BFSP2: variants seen among roughly 807,000 people sequenced by gnomAD.
BFSP2 encodes beaded filament structural protein 2, also known as phakinin.
A neutral mutation model predicts 44.9 loss-of-function variants in BFSP2; 38 were observed. The observed-to-expected ratio is 0.85, with a 90% CI of 0.65 to 1.11. BFSP2 has a LOEUF of 1.11. Among genes scored for constraint, BFSP2 ranks in the 50% least tolerant of loss-of-function variants. The pLI is 0.00. For synonymous variants in BFSP2, 197 were observed against 209.9 expected, an observed-to-expected ratio of 0.94 and a Z score of 0.53; for missense variants, 525 against 533.0, an observed-to-expected ratio of 0.99 and a Z score of 0.15.
intron 1 of BFSP2, among the ~76,000 whole-genome samples, chr3:133,426,376 G>A (rs900903461): frequency 1.3e-5 from 2 of 152,348 alleles, no homozygotes; most frequent in Admixed American, 1.3e-4. Context: ...TGACTTTGCA[G>A]TCATCTCAGC....
intron 4 of BFSP2, among the ~76,000 whole-genome samples, chr3:133,453,361 A>G (rs2073983089): frequency 6.6e-6 from 1 of 152,258 alleles, no homozygotes; most frequent in African/African-American, 2.4e-5. Flanking sequence ...CGGACCACAG[A>G]GGCTGAAAAT....
intron 1 of BFSP2, among the ~76,000 whole-genome samples, chr3:133,427,303 C>T (rs943408481): frequency 3.3e-5 from 5 of 152,300 alleles, no homozygotes; most frequent in South Asian, 2.1e-4. Flanking sequence ...GCATGTTCTC[C>T]GTAGCTGTAT....
At chr3:133,451,779 T>C (rs1197952530) in intron 4 of BFSP2, among the ~76,000 whole-genome samples, 1 of 152,222 alleles carries the variant, frequency 6.6e-6, no homozygotes, top group Non-Finnish European at 1.5e-5. Flanking sequence ...ATTATATTCA[T>C]GGAAGAAAAA....
intron 4 of BFSP2, among the ~76,000 whole-genome samples, chr3:133,453,261 G>A (rs755352584): frequency 5.3e-5 from 8 of 152,176 alleles, no homozygotes; most frequent in African/African-American, 7.2e-5. Flanking sequence ...TCGGTTTCTT[G>A]GCGGCATAGC....
intron 4 of BFSP2, among the ~76,000 whole-genome samples, chr3:133,457,637 G>A (rs2074024362): frequency 6.6e-6 from 1 of 152,162 alleles, no homozygotes; most frequent in Non-Finnish European, 1.5e-5. Flanking sequence ...ACAGGGGGCA[G>A]CAAACTCTGG....
At chr3:133,467,067 A>G in intron 5 of BFSP2, 108 bp downstream of exon 5, 1 of 1,482,996 alleles carries the variant, frequency 6.7e-7, no homozygotes, top group South Asian at 1.2e-5. Flanking sequence ...ATCTCACAGC[A>G]TATGAGTTTT....
At position 133,446,052 on chromosome 3, in the gene BFSP2, C is replaced by T. The variant is rs150636774; in HGVS notation, c.490-1265C>T. Among the ~76,000 whole-genome samples, 74 of 152,264 alleles carry T rather than the reference C, an allele frequency of 4.9e-4. No individual in the cohort carries two copies. The East Asian group carries it at 0.013, about 27-fold the overall frequency. On this transcript the variant is annotated intron_variant, in intron 1 of 6. Transcript: ENST00000302334. ...GTGATTAAGAACTGGGAAAGGGAGA[C>T]ACCCTAGTCTGCCTGCTCCCCAGTG...
At chr3:133,440,807 C>T (rs906588484) in intron 1 of BFSP2, among the ~76,000 whole-genome samples, 13 of 152,142 alleles carry the variant, frequency 8.5e-5, no homozygotes, top group Admixed American at 7.9e-4. Flanking sequence ...TCTACAATGA[C>T]GTTCCTTCCC....
chr3:133,461,037 T>C (rs575205242), intron 4 of BFSP2, among the ~76,000 whole-genome samples: 100 of 152,320 alleles, frequency 6.6e-4, no homozygotes, highest in Non-Finnish European at 1.2e-3. Context: ...TTCTCTCTCC[T>C]CACTCTCCCT....
chr3:133,429,117 C>T (rs531022339), intron 1 of BFSP2, among the ~76,000 whole-genome samples: 16 of 152,060 alleles, frequency 1.1e-4, no homozygotes, highest in African/African-American at 3.1e-4. Flanking sequence ...CCCCACCCCC[C>T]CAGAGGTCAC....
intron 1 of BFSP2, among the ~76,000 whole-genome samples, chr3:133,431,972 C>T (rs1047867114): frequency 6.6e-6 from 1 of 152,056 alleles, no homozygotes; most frequent in Non-Finnish European, 1.5e-5. Flanking sequence ...CCAAAGCCTC[C>T]TTTGCGTCTT....
intron 4 of BFSP2, among the ~76,000 whole-genome samples, chr3:133,452,582 G>A (rs2073975770): frequency 6.6e-6 from 1 of 152,158 alleles, no homozygotes; most frequent in Non-Finnish European, 1.5e-5. Flanking sequence ...TGGTCCTAGA[G>A]ACCATCTGAT....
chr3:133,406,036 C>T (rs923215104), intron 1 of BFSP2, among the ~76,000 whole-genome samples: 19 of 152,038 alleles, frequency 1.2e-4, no homozygotes, highest in Admixed American at 3.3e-4. Flanking sequence ...CTGCAACCTC[C>T]GCCTCCCGGG....
At chr3:133,448,812 T>C in intron 3 of BFSP2, 167 bp downstream of exon 3, 1 of 899,954 alleles carries the variant, frequency 1.1e-6, no homozygotes, top group Non-Finnish European at 1.7e-6. Context: ...TTGAAGTGGG[T>C]CAGGTTACCC....
At chr3:133,438,160 C>A (rs896329197) in intron 1 of BFSP2, among the ~76,000 whole-genome samples, 1 of 152,144 alleles carries the variant, frequency 6.6e-6, no homozygotes, top group African/African-American at 2.4e-5. Context: ...CATTTGTCAG[C>A]TAGAAGTCAG....
rs756805996 is a variant in BFSP2 at position 133,424,225 on chromosome 3, T to TG, written c.490-23092_490-23091insG. Among the ~76,000 whole-genome samples, 601 of 98,310 alleles carry TG rather than the reference T, an allele frequency of 6.1e-3. 12 individuals are homozygous for TG. The highest frequency in any genetic ancestry group is 0.022 in the South Asian group (79 of 3,564). 64.5% of individuals were successfully genotyped at this position (98,310 alleles called of 152,430 possible). On this transcript the variant is annotated intron_variant, in intron 1 of 6. Transcript: ENST00000302334. ...CGCGTCCAGCTAATTTTTTTTTTTT[T>TG]TTTTTTTTTTTTTTTTGTATTTTTA...
chr3:133,448,816 GT>G, intron 3 of BFSP2, 171 bp downstream of exon 3: 1 of 856,184 alleles, frequency 1.2e-6, no homozygotes, highest in Non-Finnish European at 1.8e-6. Flanking sequence ...AGTGGGTCAG[GT>G]TACCCCAGCA....
intron 1 of BFSP2, among the ~76,000 whole-genome samples, chr3:133,440,454 GT>G (rs1202146188): frequency 6.6e-6 from 1 of 152,196 alleles, no homozygotes; most frequent in Non-Finnish European, 1.5e-5. Context: ...CTAAAGGGCT[GT>G]CTCACAACAA....
intron 1 of BFSP2, among the ~76,000 whole-genome samples, chr3:133,430,315 C>T (rs374600405): frequency 0.085 from 12,821 of 151,110 alleles, 602 homozygotes; most frequent in Middle Eastern, 0.18. Flanking sequence ...GTTCTAGATC[C>T]CTGAGGAATC....
Sources: allele counts gnomAD v4.1 joint callset (sites outside exome capture counted in the v4.1 genomes callset), GRCh38; gene constraint gnomAD v4.1.1; transcripts MANE v1.5; gene names NCBI Gene and HGNC (gene_info 2026-07-23, HGNC 2026-07-21).